The following RFX3 variants were observed in gnomAD, a reference collection of about 807,000 sequenced individuals.
The protein encoded by RFX3 is transcription factor RFX3.
Under a neutral mutation model 98.6 loss-of-function variants are expected in RFX3, and 14 were observed. That is an observed-to-expected ratio of 0.14 (90% CI 0.09 to 0.22). The LOEUF (loss-of-function observed/expected upper bound fraction) is 0.22. RFX3 is among the 10% of genes least tolerant of loss of function. The pLI is 1.00. For missense variants in RFX3, 639 were observed against 926.9 expected (o/e 0.69, Z 4.03); for synonymous variants, 383 against 328.4 (o/e 1.17, Z -1.80).
At position 3,239,694 on chromosome 9, in the gene RFX3, A is replaced by C. The variant is rs1362681872; in HGVS notation, c.1968+8338T>G. ...AACAGGAGCATTTAACACCACCATT[A>C]AGGCCAAAGCAAGAGGGGCCTTTGG... On this transcript the variant is annotated intron_variant, in intron 15 of 16. Transcript: ENST00000617270. 2.6e-5 allele frequency among the ~76,000 whole-genome samples: 4 copies of C among 152,234 alleles called. No homozygotes were observed. The South Asian group carries it at 6.2e-4, about 24-fold the overall frequency.
chr9:3,446,752 G>C (rs960962961), intron 1 of RFX3, among the ~76,000 whole-genome samples: 1 of 151,858 alleles, frequency 6.6e-6, no homozygotes, highest in Middle Eastern at 3.2e-3. Flanking sequence ...TTGGAGTAAC[G>C]TATGGTACAT....
At chr9:3,282,365 G>T (rs1826020780) in intron 7 of RFX3, among the ~76,000 whole-genome samples, 1 of 151,640 alleles carries the variant, frequency 6.6e-6, no homozygotes, top group Non-Finnish European at 1.5e-5. Context: ...CATTCTTGTT[G>T]GTGGCTCTCT....
At chr9:3,394,242 T>C (rs527383859) in intron 2 of RFX3, among the ~76,000 whole-genome samples, 40 of 152,162 alleles carry the variant, frequency 2.6e-4, no homozygotes, top group Non-Finnish European at 2.9e-4. Flanking sequence ...GGTGGGCGGA[T>C]CACGAGGTCA....
intron 1 of RFX3, among the ~76,000 whole-genome samples, chr9:3,475,922 C>T (rs975710751): frequency 4.6e-5 from 7 of 152,154 alleles, no homozygotes; most frequent in Non-Finnish European, 1.0e-4. Context: ...TACCACTAGA[C>T]CACAGTCTGC....
chr9:3,321,325 A>T (rs1831289525), intron 4 of RFX3, among the ~76,000 whole-genome samples: 1 of 152,226 alleles, frequency 6.6e-6, no homozygotes, highest in African/African-American at 2.4e-5. Flanking sequence ...GTCAGAGGAT[A>T]TGTGTATTTT....
intron 2 of RFX3, among the ~76,000 whole-genome samples, chr9:3,393,292 A>G (rs1054919386): frequency 5.3e-5 from 8 of 152,138 alleles, no homozygotes; most frequent in Non-Finnish European, 1.5e-5. Flanking sequence ...TTTTTAAAAT[A>G]ACAGACCTTG....
intron 2 of RFX3, among the ~76,000 whole-genome samples, chr9:3,372,970 G>A (rs933355864): frequency 6.6e-6 from 1 of 151,942 alleles, no homozygotes; most frequent in Non-Finnish European, 1.5e-5. Context: ...AAGAAAAAAT[G>A]GTAAACTACT....
chr9:3,282,357 T>C (rs906908410), intron 7 of RFX3, among the ~76,000 whole-genome samples: 6 of 151,840 alleles, frequency 4.0e-5, no homozygotes, highest in African/African-American at 1.2e-4. Flanking sequence ...ATCTCTTCCA[T>C]TCTTGTTGGT....
chr9:3,312,033 C>T (rs989905746), intron 4 of RFX3, among the ~76,000 whole-genome samples: 1 of 152,172 alleles, frequency 6.6e-6, no homozygotes, highest in African/African-American at 2.4e-5. Flanking sequence ...TAAGGTGCAA[C>T]TAATGGGTTA....
intron 1 of RFX3, among the ~76,000 whole-genome samples, chr9:3,461,838 T>C (rs947577263): frequency 6.6e-6 from 1 of 152,028 alleles, no homozygotes; most frequent in Admixed American, 6.6e-5. Context: ...TATATAAGCA[T>C]ACCTAAATAA....
At chr9:3,242,094 T>C (rs1186448025) in intron 15 of RFX3, among the ~76,000 whole-genome samples, 1 of 152,158 alleles carries the variant, frequency 6.6e-6, no homozygotes, top group Non-Finnish European at 1.5e-5. Flanking sequence ...GCCCATCCCA[T>C]TTGACTATTT....
intron 1 of RFX3, among the ~76,000 whole-genome samples, chr9:3,428,452 C>A (rs1050655249): frequency 6.6e-6 from 1 of 152,116 alleles, no homozygotes; most frequent in Non-Finnish European, 1.5e-5. Context: ...TAAGTAAAAA[C>A]GTTTAAAATT....
chr9:3,271,713 G>C (rs533290921), intron 9 of RFX3, among the ~76,000 whole-genome samples: 1 of 152,280 alleles, frequency 6.6e-6, no homozygotes, highest in East Asian at 1.9e-4. Flanking sequence ...ATCACAGCAG[G>C]TGGAAGTGAA....
chr9:3,241,796 C>T (rs1819962809), intron 15 of RFX3, among the ~76,000 whole-genome samples: 1 of 152,064 alleles, frequency 6.6e-6, no homozygotes, highest in African/African-American at 2.4e-5. Context: ...TTTAGTTTTC[C>T]AAATGCAATT....
chr9:3,499,101 T>A (rs1427712805), intron 1 of RFX3, among the ~76,000 whole-genome samples: 2 of 152,200 alleles, frequency 1.3e-5, no homozygotes, highest in South Asian at 4.1e-4. Context: ...CCTAACTAAT[T>A]TGGTAAAACA....
intron 1 of RFX3, among the ~76,000 whole-genome samples, chr9:3,443,597 G>C (rs962117617): frequency 1.3e-5 from 2 of 152,106 alleles, no homozygotes; most frequent in African/African-American, 4.8e-5. Context: ...TCTTTATCCA[G>C]TCTATCATTG....
chr9:3,234,569 G>C (rs1338752255), intron 15 of RFX3, among the ~76,000 whole-genome samples: 1 of 152,146 alleles, frequency 6.6e-6, no homozygotes, highest in Admixed American at 6.5e-5. Flanking sequence ...GTCCAAGGTG[G>C]TCGAGGCTGC....
At chr9:3,327,532 G>C (rs973338724) in intron 4 of RFX3, among the ~76,000 whole-genome samples, 3 of 151,662 alleles carry the variant, frequency 2.0e-5, no homozygotes, top group Non-Finnish European at 4.4e-5. Context: ...AGATCACTTT[G>C]TGATTTTTCC....
chr9:3,392,104 T>C (rs1587478031), intron 2 of RFX3, among the ~76,000 whole-genome samples: 1 of 152,160 alleles, frequency 6.6e-6, no homozygotes, highest in East Asian at 1.9e-4. Context: ...GGGTTCTTAA[T>C]TAAAAAGCCT....
Sources: gnomAD v4.1 joint callset for allele counts (sites outside exome capture counted in the v4.1 genomes callset) on GRCh38, gnomAD v4.1.1 for gene constraint, MANE v1.5 for transcripts, NCBI Gene and HGNC (gene_info 2026-07-23, HGNC 2026-07-21) for gene names.